TOP2A: variants seen among roughly 807,000 people sequenced by gnomAD.
TOP2A encodes DNA topoisomerase II alpha, also known as DNA topoisomerase 2-alpha.
TOP2A carries 68 observed loss-of-function variants against 187.2 expected under a neutral mutation model. That is an observed-to-expected ratio of 0.36 (90% CI 0.30 to 0.44). The LOEUF is 0.44. TOP2A is among the 20% of genes least tolerant of loss of function. The pLI is 1.00. For missense variants in TOP2A, 1,196 were observed against 1,808.7 expected (o/e 0.66, Z 6.14); for synonymous variants, 542 against 593.2 (o/e 0.91, Z 1.25).
intron 32 of TOP2A, 177 bp from the exon 33 acceptor site, chr17:40,391,817 A>C: frequency 1.1e-6 from 1 of 876,004 alleles, no homozygotes; most frequent in Non-Finnish European, 1.7e-6. Context: ...CAGCAAGAAC[A>C]GTTTTTATTT....
rs1442699227 is a variant in TOP2A at position 40,404,447 on chromosome 17, G to A, written c.2091C>T (p.Asp697=). The A allele has an allele frequency of 6.2e-7, 1 of 1,611,128 alleles. No homozygotes were observed. ...ACAAGATAAGTTCCTTGTTGATGAA[G>A]TCATTATATGTCAGATATGTGGTAG... ...GQTTTYLTYN[D]FINKELILFS... The change falls in exon 18 of 35, where the codon GAC becomes GAT. Residue 697 remains aspartate, a synonymous_variant. Transcript: ENST00000423485.
chr17:40,409,545 G>A, intron 10 of TOP2A: 1 of 417,846 alleles, frequency 2.4e-6, no homozygotes, highest in Middle Eastern at 6.6e-4. Context: ...GATCAAGTGA[G>A]GCCAGGAGTT....
In TOP2A at chr17:40,404,675, C is replaced by CT. The variant is rs1377443139; in HGVS notation, c.2046+115dup. The CT allele has an allele frequency of 1.9e-5, 15 of 790,404 alleles. No individual in the cohort carries two copies. In the East Asian group the frequency reaches 4.1e-4, roughly 21 times the overall value. The allele number at this position is 790,404 out of a possible 1,614,324, so 49.0% of individuals were successfully genotyped here. On this transcript the variant is annotated intron_variant, in intron 17 of 34. Coordinates refer to ENST00000423485, the MANE Select transcript of TOP2A (RefSeq NM_001067.4). ...AAGCAAATTTAACTGCTGCACAACT[C>CT]TATCATATCAAATTTTTTACTAAAA...
chr17:40,402,799 T>A, intron 20 of TOP2A, 107 bp downstream of exon 20: 1 of 1,231,248 alleles, frequency 8.1e-7, no homozygotes, highest in East Asian at 2.6e-5. Flanking sequence ...TGCCACTAGA[T>A]GCCAGTATCT....
At chr17:40,407,830 C>T in intron 12 of TOP2A, 137 bp downstream of exon 12, 2 of 1,190,008 alleles carry the variant, frequency 1.7e-6, no homozygotes, top group Non-Finnish European at 2.3e-6. Flanking sequence ...AAATAGGCTA[C>T]AATGTACCTA....
chr17:40,402,095 AG>A (rs2143652550), intron 20 of TOP2A, among the ~76,000 whole-genome samples: 1 of 152,308 alleles, frequency 6.6e-6, no homozygotes, highest in African/African-American at 2.4e-5. Context: ...CAGATCCTAT[AG>A]GATTGGCTGA....
intron 16 of TOP2A, among the ~76,000 whole-genome samples, chr17:40,406,010 C>T (rs1227896468): frequency 1.3e-5 from 2 of 152,172 alleles, no homozygotes; most frequent in Non-Finnish European, 2.9e-5. Flanking sequence ...TTGTGATCTG[C>T]TCGCCTCTGC....
At chr17:40,403,485 T>A (rs1030677201) in intron 19 of TOP2A, among the ~76,000 whole-genome samples, 31 of 152,210 alleles carry the variant, frequency 2.0e-4, no homozygotes, top group African/African-American at 7.5e-4. Context: ...TCAACAAATG[T>A]TCGTTGGGTG....
In TOP2A at chr17:40,417,597, C is replaced by T. The variant is rs967155155; in HGVS notation, c.21+174G>A. ...GCCGGGTCATACTTCACTACTAGCA[C>T]CAGAAGGGGCTTCCGCCTCTCCACG... On this transcript the variant is annotated intron_variant, in intron 1 of 34. Coordinates refer to ENST00000423485, the MANE Select transcript of TOP2A (RefSeq NM_001067.4). 2.0e-6 allele frequency: 3 copies of T among 1,471,478 alleles called. No individual in the cohort carries two copies. In the African/African-American group the frequency reaches 4.2e-5, roughly 21 times the overall value. The allele number at this position is 1,471,478 out of a possible 1,614,324, so 91.2% of individuals were successfully genotyped here.
Position 40,413,523 on chromosome 17 carries a change from G to T in TOP2A, c.435C>A (p.Leu145=), listed in dbSNP as rs1315004736. 1 of 1,543,434 alleles carries T rather than the reference G, an allele frequency of 6.5e-7. No homozygotes were observed. The highest frequency in any genetic ancestry group is 1.2e-5 in the South Asian group (1 of 81,430). The change falls in exon 5 of 35, where the codon CTC becomes CTA. Residue 145 remains leucine, a synonymous_variant. Coordinates refer to ENST00000423485, the MANE Select transcript of TOP2A (RefSeq NM_001067.4). ...MYVPALIFGQ[L]LTSSNYDDDE... Reference sequence around the variant, plus strand: ...CATCATCATAGTTACTAGAAGTTAGGAGCTGTCCAAATATGAGAGCTGGGA... The same window carrying T: ...CATCATCATAGTTACTAGAAGTTAGTAGCTGTCCAAATATGAGAGCTGGGA...
At chr17:40,397,285 C>CTTTTTT (rs11331486) in intron 27 of TOP2A, among the ~76,000 whole-genome samples, 1 of 131,224 alleles carries the variant, frequency 7.6e-6, no homozygotes, top group African/African-American at 2.8e-5. Context: ...CTGCTTTCTC[C>CTTTTTT]TTTTTTTTTT....
rs763290822 is a variant in TOP2A at position 40,412,859 on chromosome 17, C to T, written c.689G>A (p.Ser230Asn). Residue 230 changes from serine to asparagine, a missense_variant, in exon 7 of 35, where the codon AGC (serine) becomes AAC (asparagine). Ser to Asn is a conservative substitution (Grantham distance 46). Around this residue, in one of 10 missense-constraint regions of TOP2A, gnomAD observed 252 missense variants for 434.8 expected, o/e 0.58. Coordinates refer to ENST00000423485, the MANE Select transcript of TOP2A (RefSeq NM_001067.4). The part of the protein sequence containing the change: ...QPDLSKFKMQ[S>N]LDKDIVALMV... ...TAGTGCAACAATATCTTTGTCCAGGCTTTGCATTTTAAACTTAGACAAATC... is the reference window on the plus strand; with the variant it reads ...TAGTGCAACAATATCTTTGTCCAGGTTTTGCATTTTAAACTTAGACAAATC... 1.2e-6 allele frequency: 2 copies of T among 1,613,904 alleles called. No individual in the cohort carries two copies. The highest frequency in any genetic ancestry group is 1.7e-6 in the Non-Finnish European group (2 of 1,179,846).
intron 33 of TOP2A, chr17:40,391,271 G>A: frequency 2.4e-6 from 1 of 423,846 alleles, no homozygotes; most frequent in Non-Finnish European, 4.2e-6. Context: ...GGAGGGAAAA[G>A]AGTAGAACAA....
intron 33 of TOP2A, chr17:40,391,171 T>G: frequency 1.6e-5 from 3 of 193,200 alleles, no homozygotes; most frequent in Non-Finnish European, 3.2e-5. Context: ...TCCTCTTGTT[T>G]TAGCCTCCCA....
intron 16 of TOP2A, among the ~76,000 whole-genome samples, chr17:40,405,991 C>T (rs1291539618): frequency 2.0e-5 from 3 of 152,202 alleles, no homozygotes; most frequent in Admixed American, 6.5e-5. Context: ...TGGTCTTGAT[C>T]TCCTGACCTT....
chr17:40,417,573 C>A, intron 1 of TOP2A, 198 bp downstream of exon 1: 1 of 1,437,176 alleles, frequency 7.0e-7, no homozygotes, highest in Non-Finnish European at 9.1e-7. Context: ...ACCCTGGAAG[C>A]CGGGTCATAC....
At chr17:40,395,329 A>G (rs1162958535) in intron 29 of TOP2A, 120 bp downstream of exon 29, 2 of 475,278 alleles carry the variant, frequency 4.2e-6, no homozygotes, top group African/African-American at 2.0e-5. Context: ...ATTGAGATAC[A>G]GTCCTCTTTC....
intron 20 of TOP2A, among the ~76,000 whole-genome samples, chr17:40,402,345 C>T (rs978452151): frequency 2.6e-5 from 4 of 152,026 alleles, no homozygotes; most frequent in Admixed American, 2.6e-4. Context: ...AGGTATAGAA[C>T]GGATGAATGG....
intron 4 of TOP2A, among the ~76,000 whole-genome samples, chr17:40,415,403 C>T (rs886199709): frequency 2.0e-5 from 3 of 152,010 alleles, no homozygotes; most frequent in Admixed American, 1.3e-4. Flanking sequence ...TAGGAAAATC[C>T]AGGTATACTT....
Sources: gnomAD v4.1 joint callset for allele counts (sites outside exome capture counted in the v4.1 genomes callset) on GRCh38, gnomAD v4.1.1 for gene constraint, gnomAD v4.1.1 regional missense constraint, MANE v1.5 for transcripts, NCBI Gene and HGNC (gene_info 2026-07-23, HGNC 2026-07-21) for gene names.